Variants in OR11H4 observed in about 807,000 individuals in gnomAD.
OR11H4 encodes the protein olfactory receptor 11H4.
For missense variants in OR11H4, 460 were observed against 371.1 expected (o/e 1.24, Z -1.97); for synonymous variants, 162 against 142.3 (o/e 1.14, Z -0.98).
rs1035816421 is a variant in OR11H4 at position 20,241,795 on chromosome 14, T to G, written c.-11-1016T>G. 9.2e-5 allele frequency among the ~76,000 whole-genome samples: 14 copies of G among 152,038 alleles called. No individual in the cohort carries two copies. The South Asian group carries it at 2.5e-3, about 27-fold the overall frequency. On this transcript the variant is annotated intron_variant, in intron 1 of 1. Coordinates refer to ENST00000641082, the MANE Select transcript of OR11H4 (RefSeq NM_001004479.2). Reference sequence around the variant, plus strand: ...ATGTAGTAGGAGAGCACGGTGATAATAAGGAGAAGGTCAGCAAAAAACATG... The same window carrying G: ...ATGTAGTAGGAGAGCACGGTGATAAGAAGGAGAAGGTCAGCAAAAAACATG...
At chr14:20,239,538 C>CA (rs1429979082) in intron 1 of OR11H4, among the ~76,000 whole-genome samples, 7 of 151,894 alleles carry the variant, frequency 4.6e-5, no homozygotes, top group South Asian at 2.1e-4. Context: ...ACTAAAAATA[C>CA]AAAAAATTAG....
At position 20,244,317 on chromosome 14, in the gene OR11H4, C is replaced by T. The variant is rs1285562547; in HGVS notation, c.*551C>T. 2 of 152,264 alleles carry T rather than the reference C, an allele frequency of 1.3e-5. No homozygotes were observed. The highest frequency in any genetic ancestry group is 1.3e-4 in the Admixed American group (2 of 15,276). The allele number at this position is 152,264 out of a possible 1,614,324, so 9.4% of individuals were successfully genotyped here. Reference sequence around the variant, plus strand: ...AATTTTCCTATCTGCTCCTCAGAGTCAATACATCTAAATCCCTCTGTCTGG... The same window carrying T: ...AATTTTCCTATCTGCTCCTCAGAGTTAATACATCTAAATCCCTCTGTCTGG... On this transcript the variant is annotated 3_prime_UTR_variant, in exon 2 of 2. Coordinates refer to ENST00000641082, the MANE Select transcript of OR11H4 (RefSeq NM_001004479.2).
rs374595869 is a variant in OR11H4, at chr14:20,242,225, C to G, written c.-11-586C>G. ...ACATGGGGAGAAACCTCAGACAATA[C>G]CCTGCTTTCAAGGGCAGAGGTCCCT... is the stretch of plus-strand genomic sequence containing the variant. On this transcript the variant is annotated intron_variant, in intron 1 of 1. Coordinates refer to ENST00000641082, the MANE Select transcript of OR11H4 (RefSeq NM_001004479.2). Among the ~76,000 whole-genome samples the G allele has an allele frequency of 4.6e-5, 7 of 152,122 alleles. No homozygotes were observed. In the East Asian group the frequency reaches 1.2e-3, roughly 25 times the overall value.
chr14:20,240,269 G>A (rs893922665), intron 1 of OR11H4, among the ~76,000 whole-genome samples: 5 of 152,266 alleles, frequency 3.3e-5, no homozygotes, highest in Middle Eastern at 3.4e-3. Context: ...CACCTATTGA[G>A]CACCTTATTC....
Position 20,241,276 on chromosome 14 carries a change from C to T in OR11H4, c.-11-1535C>T, listed in dbSNP as rs147083736. On this transcript the variant is annotated intron_variant, in intron 1 of 1. Coordinates refer to ENST00000641082, the MANE Select transcript of OR11H4 (RefSeq NM_001004479.2). ...TAAAAAACATAAAAATAAACACTGC[C>T]GTTCGTTAGAGATGTTTTTAAAATA... Among the ~76,000 whole-genome samples, 775 of 152,178 alleles carry T rather than the reference C, an allele frequency of 5.1e-3. 9 individuals carry two copies. Among genetic ancestry groups the T allele is most frequent in the African/African-American group, 0.018 (742 of 41,496 alleles).
In OR11H4 at chr14:20,243,809, G is replaced by A. The variant is rs1158751798; in HGVS notation, c.*43G>A. On this transcript the variant is annotated 3_prime_UTR_variant, in exon 2 of 2. Coordinates refer to ENST00000641082, the MANE Select transcript of OR11H4 (RefSeq NM_001004479.2). ...CTTACAAGTTCTAACGAAGAACAAG[G>A]TCGAGATGTTGTCAGTTCTTTAGCA... is the stretch of plus-strand genomic sequence containing the variant. 2 of 1,527,076 alleles carry A rather than the reference G, an allele frequency of 1.3e-6. No individual in the cohort carries two copies. Among genetic ancestry groups the A allele is most frequent in the Non-Finnish European group, 1.8e-6 (2 of 1,139,464 alleles). The allele number at this position is 1,527,076 out of a possible 1,614,324, so 94.6% of individuals were successfully genotyped here.
At position 20,241,162 on chromosome 14, in the gene OR11H4, T is replaced by C. The variant is rs978004188; in HGVS notation, c.-11-1649T>C. On this transcript the variant is annotated intron_variant, in intron 1 of 1. Coordinates refer to ENST00000641082, the MANE Select transcript of OR11H4 (RefSeq NM_001004479.2). ...GAAAAAGCTCACTAAATAAACTAAA[T>C]TTTTGTATAGAAAACATCATTTTCC... Among the ~76,000 whole-genome samples the C allele has an allele frequency of 7.6e-4, 115 of 152,154 alleles. 2 individuals are homozygous for C. The highest frequency in any genetic ancestry group is 2.2e-4 in the Non-Finnish European group (15 of 68,020).
rs113962158 is a variant in OR11H4, at chr14:20,243,811, C to T, written c.*45C>T. The T allele has an allele frequency of 2.1e-4, 321 of 1,524,652 alleles. 1 individual carries two copies. The African/African-American group carries it at 3.5e-3, about 17-fold the overall frequency. The allele number at this position is 1,524,652 out of a possible 1,614,324, so 94.4% of individuals were successfully genotyped here. On this transcript the variant is annotated 3_prime_UTR_variant, in exon 2 of 2. Transcript: ENST00000641082. ...TACAAGTTCTAACGAAGAACAAGGT[C>T]GAGATGTTGTCAGTTCTTTAGCAGT...
In OR11H4 at chr14:20,241,965, G is replaced by A. The variant is rs139900582; in HGVS notation, c.-11-846G>A. Among the ~76,000 whole-genome samples the A allele has an allele frequency of 7.8e-3, 1,191 of 152,074 alleles. 18 individuals carry two copies. The highest frequency in any genetic ancestry group is 0.027 in the African/African-American group (1,105 of 41,476). The stretch of plus-strand genomic sequence containing the variant: ...GGCAGCATTACTGCCAACATGTCTC[G>A]CTTCCCACCATAGGGCGGTTTTTCT... On this transcript the variant is annotated intron_variant, in intron 1 of 1. Transcript: ENST00000641082.
intron 1 of OR11H4, among the ~76,000 whole-genome samples, chr14:20,241,813 A>C (rs535092978): frequency 3.3e-4 from 50 of 152,212 alleles, no homozygotes; most frequent in Middle Eastern, 3.4e-3. Context: ...AGGTCAGCAA[A>C]AAACATGTGA....
rs373062808 is a variant in OR11H4 at position 20,240,880 on chromosome 14, C to G, written c.-12+1549C>G. Among the ~76,000 whole-genome samples the G allele has an allele frequency of 1.4e-4, 21 of 152,184 alleles. 1 individual carries two copies. Among genetic ancestry groups the G allele is most frequent in the African/African-American group, 2.9e-4 (12 of 41,516 alleles). ...CATAAGACATTACGCCCAGCCAAAA[C>G]TACCACTTTTTTAAGACTTAATCAG... is the stretch of plus-strand genomic sequence containing the variant. On this transcript the variant is annotated intron_variant, in intron 1 of 1. Transcript: ENST00000641082.
intron 1 of OR11H4, among the ~76,000 whole-genome samples, chr14:20,241,600 T>C (rs144694582): frequency 6.6e-6 from 1 of 152,156 alleles, no homozygotes; most frequent in South Asian, 2.1e-4. Context: ...ATTTCTGGTC[T>C]GGTAGGACGA....
chr14:20,240,084 A>G (rs1011100962), intron 1 of OR11H4, among the ~76,000 whole-genome samples: 1 of 152,174 alleles, frequency 6.6e-6, no homozygotes, highest in African/African-American at 2.4e-5. Context: ...TCAGTGTATA[A>G]TGGAGAATGT....
Position 20,243,693 on chromosome 14 carries a change from C to T in OR11H4, c.872C>T (p.Thr291Ile). ...CCTCTTTTTAATCCTCTGATCTATA[C>T]TCTTCGTAATAAGGACATGAAACTC... is the stretch of plus-strand genomic sequence containing the variant. The part of the protein sequence containing the change: ...TTPLFNPLIY[T>I]LRNKDMKLAL... The change falls in exon 2 of 2, where the codon ACT becomes ATT. Residue 291 changes from threonine (T) to isoleucine (I), a missense_variant. Coordinates refer to ENST00000641082, the MANE Select transcript of OR11H4 (RefSeq NM_001004479.2). The T allele has an allele frequency of 1.9e-6, 3 of 1,610,782 alleles. No homozygotes were observed. The highest frequency in any genetic ancestry group is 2.5e-6 in the Non-Finnish European group (3 of 1,179,098).
chr14:20,242,934 C>G lies in OR11H4; in HGVS notation c.113C>G (p.Thr38Ser). 6.2e-7 allele frequency: 1 copy of G among 1,614,106 alleles called. No homozygotes were observed. Among genetic ancestry groups the G allele is most frequent in the Non-Finnish European group, 8.5e-7 (1 of 1,180,004 alleles). The stretch of plus-strand genomic sequence containing the variant: ...TTGTTTTTGGTGATTTATGTCTTGA[C>G]CTTGCTGGGAAATGGAGCCATCATC... ...FSLFLVIYVLTLLGNGAIIYA... is the reference protein window; with the variant it reads ...FSLFLVIYVLSLLGNGAIIYA... The change falls in exon 2 of 2, where the codon ACC (threonine) becomes AGC (serine). Residue 38 changes from threonine (T) to serine (S), a missense_variant. Transcript: ENST00000641082.
At chr14:20,242,225 C>A (rs374595869) in intron 1 of OR11H4, among the ~76,000 whole-genome samples, 2 of 152,122 alleles carry the variant, frequency 1.3e-5, no homozygotes, top group African/African-American at 2.4e-5. Context: ...TCAGACAATA[C>A]CCTGCTTTCA....
In OR11H4 at chr14:20,242,723, G is replaced by A. The variant is rs544224447; in HGVS notation, c.-11-88G>A. 3,946 of 1,458,616 alleles carry A rather than the reference G, an allele frequency of 2.7e-3. 20 individuals carry two copies. The highest frequency in any genetic ancestry group is 0.011 in the South Asian group (822 of 76,098). 90.4% of individuals were successfully genotyped at this position (1,458,616 alleles called of 1,614,324 possible). A position where few individuals can be genotyped will look rare whatever the true frequency, so the allele number is the denominator to read the frequency against. On this transcript the variant is annotated intron_variant, in intron 1 of 1. Transcript: ENST00000641082. ...ATTTTCCTGTATACCTCAAGTTCTC[G>A]TCTCAGTAAAATCCTTGAGATACGT...
rs139038954 is a variant in OR11H4, at chr14:20,243,752, C to A, written c.931C>A (p.Arg311Ser). 3 of 1,572,190 alleles carry A rather than the reference C, an allele frequency of 1.9e-6. No individual in the cohort carries two copies. Among genetic ancestry groups the A allele is most frequent in the South Asian group, 1.2e-5 (1 of 84,110 alleles). Residue 311 changes from arginine to serine, a missense_variant, in exon 2 of 2, where the codon CGT (arginine) becomes AGT (serine). Arg to Ser is a moderately radical substitution (Grantham distance 110). Transcript: ENST00000641082. The part of the protein sequence containing the change: ...LRNVLFGMRI[R>S]QNS ...AAATGTCCTGTTTGGAATGAGAATT[C>A]GTCAAAATTCGTGAGCCAAAGATGT...
At chr14:20,242,390 A>G (rs1158953085) in intron 1 of OR11H4, among the ~76,000 whole-genome samples, 1 of 152,172 alleles carries the variant, frequency 6.6e-6, no homozygotes, top group African/African-American at 2.4e-5. Context: ...CCTGGATTTT[A>G]TACAACACAC....
Sources: gnomAD v4.1 joint callset for allele counts (sites outside exome capture counted in the v4.1 genomes callset) on GRCh38, gnomAD v4.1.1 for gene constraint, MANE v1.5 for transcripts, NCBI Gene and HGNC (gene_info 2026-07-23, HGNC 2026-07-21) for gene names.